Variants in FYB2 observed in about 807,000 individuals in gnomAD.
The protein encoded by FYB2 is FYN binding protein 2.
Under a neutral mutation model 94.1 loss-of-function variants are expected in FYB2, and 103 were observed. The ratio of observed to expected loss-of-function variants is 1.09; its 90% CI spans 0.93 to 1.29. The LOEUF (loss-of-function observed/expected upper bound fraction) is 1.29, where lower values mean the gene tolerates loss of function less well. FYB2 is among the 50% of genes most tolerant of loss of function. The pLI, the probability that FYB2 is intolerant of heterozygous loss-of-function variation, is 0.00. For synonymous variants in FYB2, 293 were observed against 287.9 expected (o/e 1.02, Z -0.18); for missense variants, 896 against 841.5 (o/e 1.06, Z -0.80).
chr1:56,769,326 C>T (rs1466954652), intron 4 of FYB2, among the ~76,000 whole-genome samples: 1 of 152,054 alleles, frequency 6.6e-6, no homozygotes, highest in Non-Finnish European at 1.5e-5. Flanking sequence ...CAGTCATGAG[C>T]CACTGGCCTA....
chr1:56,735,898 T>C (rs1644820398), intron 15 of FYB2, among the ~76,000 whole-genome samples: 1 of 152,100 alleles, frequency 6.6e-6, no homozygotes, highest in African/African-American at 2.4e-5. Context: ...ACAACTACCA[T>C]AGGATGACTA....
chr1:56,745,642 C>T (rs1294652308), intron 9 of FYB2, among the ~76,000 whole-genome samples: 1 of 152,032 alleles, frequency 6.6e-6, no homozygotes, highest in East Asian at 1.9e-4. Flanking sequence ...AACCTCCTAA[C>T]CGGTCTCCCC....
At position 56,792,088 on chromosome 1, in the gene FYB2, A is replaced by G; in HGVS notation, c.725T>C (p.Ile242Thr). The G allele has an allele frequency of 1.2e-6, 2 of 1,605,984 alleles. No individual in the cohort carries two copies. The highest frequency in any genetic ancestry group is 1.7e-6 in the Non-Finnish European group (2 of 1,176,968). Residue 242 changes from isoleucine to threonine, a missense_variant, in exon 2 of 20, where the codon ATC becomes ACC. By Grantham distance (89) the Ile-to-Thr change is moderately conservative. Transcript: ENST00000343433. ...RSPASSPCQPIYECELASQAP... is the reference protein window; with the variant it reads ...RSPASSPCQPTYECELASQAP... Reference sequence around the variant, plus strand: ...CTGACTGGCAAGCTCACACTCATAGATGGGCTGGCAGGGGCTGCTTGCCGG... The same window carrying G: ...CTGACTGGCAAGCTCACACTCATAGGTGGGCTGGCAGGGGCTGCTTGCCGG...
At chr1:56,760,082 A>AG (rs60562175) in intron 5 of FYB2, among the ~76,000 whole-genome samples, 30,051 of 150,040 alleles carry the variant, frequency 0.2, 3,409 homozygotes, top group African/African-American at 0.3. Context: ...CCATCACAAA[A>AG]AAAAAAAAAA....
intron 4 of FYB2, among the ~76,000 whole-genome samples, 153 bp from the exon 5 acceptor site, chr1:56,768,091 G>C (rs931311543): frequency 1.3e-5 from 2 of 152,150 alleles, no homozygotes; most frequent in Non-Finnish European, 2.9e-5. Flanking sequence ...TACTCCAAAT[G>C]CATAAGAATT....
intron 6 of FYB2, 49 bp downstream of exon 6, chr1:56,758,667 G>T: frequency 7.1e-7 from 1 of 1,413,028 alleles, no homozygotes; most frequent in Non-Finnish European, 9.8e-7. Context: ...AATCAACCTT[G>T]CATGCTTATT....
Position 56,792,508 on chromosome 1 carries a change from AC to A in FYB2, c.304del (p.Val102TyrfsTer14), listed in dbSNP as rs1646294560. ...NSPGPLGKST[V>X]CSATSSQKAS... Reference sequence around the variant, plus strand: ...CTTCTGTGAACTTGTTGCAGAACATACAGTAGACTTTCCCAGAGGCCCTGGG... The same window carrying A: ...CTTCTGTGAACTTGTTGCAGAACATAAGTAGACTTTCCCAGAGGCCCTGGG... On this transcript the variant is annotated frameshift_variant, in exon 2 of 20. Coordinates refer to ENST00000343433, the MANE Select transcript of FYB2 (RefSeq NM_001004303.5). LOFTEE classifies it high-confidence loss of function. 6.2e-7 allele frequency: 1 copy of A among 1,614,188 alleles called. No individual in the cohort carries two copies. The highest frequency in any genetic ancestry group is 8.5e-7 in the Non-Finnish European group (1 of 1,180,012).
chr1:56,742,391 A>C (rs539834329), intron 11 of FYB2, among the ~76,000 whole-genome samples, 170 bp from the exon 12 acceptor site: 53 of 152,224 alleles, frequency 3.5e-4, no homozygotes, highest in African/African-American at 1.2e-3. Flanking sequence ...TATGGTAAAA[A>C]TACTTAAACC....
At chr1:56,821,717 A>G (rs1646993924), upstream of FYB2, among the ~76,000 whole-genome samples, 1 of 152,212 alleles carries the variant, frequency 6.6e-6, no homozygotes. Flanking sequence ...ACTTGGATAT[A>G]CAAATGAAGT....
intron 16 of FYB2, among the ~76,000 whole-genome samples, chr1:56,725,684 C>T (rs1644570372): frequency 6.6e-6 from 1 of 151,986 alleles, no homozygotes; most frequent in African/African-American, 2.4e-5. Flanking sequence ...TAAATTACAT[C>T]AAGTCTAAAC....
At chr1:56,803,122 A>G (rs1305558474) in intron 1 of FYB2, among the ~76,000 whole-genome samples, 1 of 152,126 alleles carries the variant, frequency 6.6e-6, no homozygotes, top group Non-Finnish European at 1.5e-5. Context: ...TGGAATTCAA[A>G]TTTTTTCCAG....
intron 9 of FYB2, among the ~76,000 whole-genome samples, chr1:56,747,781 G>A (rs1053953303): frequency 6.6e-6 from 1 of 152,040 alleles, no homozygotes; most frequent in Non-Finnish European, 1.5e-5. Flanking sequence ...GGGATTGCTG[G>A]GTCAAATGGT....
intron 1 of FYB2, among the ~76,000 whole-genome samples, chr1:56,810,501 T>G (rs902504174): frequency 6.6e-6 from 1 of 152,154 alleles, no homozygotes; most frequent in Non-Finnish European, 1.5e-5. Flanking sequence ...TAGACTCAAT[T>G]CACACACCCA....
At chr1:56,777,567 A>G (rs929239659) in intron 4 of FYB2, among the ~76,000 whole-genome samples, 2 of 152,186 alleles carry the variant, frequency 1.3e-5, no homozygotes, top group African/African-American at 4.8e-5. Flanking sequence ...TAGACTGGAT[A>G]TACTTGAGTC....
chr1:56,792,352 G>A lies in FYB2; in HGVS notation c.461C>T (p.Ser154Phe). The A allele has an allele frequency of 6.2e-7, 1 of 1,614,160 alleles. No homozygotes were observed. Among genetic ancestry groups the A allele is most frequent in the South Asian group, 1.1e-5 (1 of 91,080 alleles). Reference protein sequence around the residue: ...EKVSSQKSEMSSALLLANYGS... With the variant: ...EKVSSQKSEMFSALLLANYGS... The stretch of plus-strand genomic sequence containing the variant: ...ATAGTTGGCAAGGAGAAGGGCTGAA[G>A]ACATTTCACTTTTCTGAGATGAAAC... Residue 154 changes from serine (S) to phenylalanine (F), a missense_variant, in exon 2 of 20, where the codon TCT becomes TTT. Ser to Phe is a radical substitution (Grantham distance 155, BLOSUM62 -2). Transcript: ENST00000343433.
At chr1:56,794,752 G>A (rs563685324) in intron 1 of FYB2, among the ~76,000 whole-genome samples, 4 of 152,004 alleles carry the variant, frequency 2.6e-5, no homozygotes, top group Non-Finnish European at 5.9e-5. Context: ...CTCCCCTGAC[G>A]TGGCAGAAGC....
At chr1:56,747,522 C>G (rs1645096345) in intron 9 of FYB2, among the ~76,000 whole-genome samples, 1 of 151,992 alleles carries the variant, frequency 6.6e-6, no homozygotes, top group South Asian at 2.1e-4. Context: ...GTTTTCTGTT[C>G]CTATATTAGT....
At chr1:56,755,732 A>G (rs1218792600) in intron 7 of FYB2, among the ~76,000 whole-genome samples, 164 bp downstream of exon 7, 1 of 152,068 alleles carries the variant, frequency 6.6e-6, no homozygotes, top group Non-Finnish European at 1.5e-5. Flanking sequence ...GCAAGGCAGG[A>G]TCATGGATCA....
chr1:56,788,812 A>T (rs1286386965), intron 3 of FYB2, 161 bp downstream of exon 3: 1 of 1,012,836 alleles, frequency 9.9e-7, no homozygotes. Flanking sequence ...CCACAGAGAC[A>T]TCGTTTCATG....
Sources: gnomAD v4.1 joint callset for allele counts (sites outside exome capture counted in the v4.1 genomes callset) on GRCh38, gnomAD v4.1.1 for gene constraint, MANE v1.5 for transcripts, NCBI Gene and HGNC (gene_info 2026-07-23, HGNC 2026-07-21) for gene names.